The following LRRFIP1 variants were observed in gnomAD, a reference collection of about 807,000 sequenced individuals.
The protein encoded by LRRFIP1 is leucine-rich repeat flightless-interacting protein 1.
A neutral mutation model predicts 104.4 loss-of-function variants in LRRFIP1; 62 were observed. The ratio of observed to expected loss-of-function variants is 0.59; its 90% CI spans 0.48 to 0.73. The LOEUF (loss-of-function observed/expected upper bound fraction) is 0.73. Among genes scored for constraint, LRRFIP1 ranks in the 30% least tolerant of loss-of-function variants. The pLI, the probability that LRRFIP1 is intolerant of heterozygous loss-of-function variation, is 0.00. For missense variants in LRRFIP1, 796 were observed against 824.5 expected, an observed-to-expected ratio of 0.97 and a Z score of 0.42; for synonymous variants, 300 against 299.0, an observed-to-expected ratio of 1.00 and a Z score of -0.03.
At chr2:237,669,619 G>A (rs534525650) in intron 1 of LRRFIP1, among the ~76,000 whole-genome samples, 7 of 152,098 alleles carry the variant, frequency 4.6e-5, no homozygotes, top group African/African-American at 7.2e-5. Context: ...AACCCTAAAC[G>A]GAGTTTCCTG....
In LRRFIP1 at chr2:237,719,698, C is replaced by T; in HGVS notation, c.294+131C>T. Reference sequence around the variant, plus strand: ...CATCTCTTAAAGAAATTAACTAATACTATTAATGATAGAATACTGATATTA... The same window carrying T: ...CATCTCTTAAAGAAATTAACTAATATTATTAATGATAGAATACTGATATTA... On this transcript the variant is annotated intron_variant, in intron 5 of 23. Transcript: ENST00000308482. 1.4e-5 allele frequency: 8 copies of T among 582,826 alleles called. No individual in the cohort carries two copies. The South Asian group carries it at 2.1e-4, about 16-fold the overall frequency. The allele number at this position is 582,826 out of a possible 1,614,324, so 36.1% of individuals were successfully genotyped here. A position where few individuals can be genotyped will look rare whatever the true frequency, so the allele number is the denominator to read the frequency against.
rs79432754 is a variant in LRRFIP1 at position 237,660,411 on chromosome 2, C to T, written c.96+32671C>T. Among the ~76,000 whole-genome samples, 354 of 152,244 alleles carry T rather than the reference C, an allele frequency of 2.3e-3. 2 individuals are homozygous for T. The highest frequency in any genetic ancestry group is 5.5e-3 in the Admixed American group (84 of 15,302). On this transcript the variant is annotated intron_variant, in intron 1 of 23. Transcript: ENST00000308482. Reference sequence around the variant, plus strand: ...GGGACCCCTGTGCTGATGAGAGAGTCCACAGCAGCTATCTCCACAGAGTAC... The same window carrying T: ...GGGACCCCTGTGCTGATGAGAGAGTTCACAGCAGCTATCTCCACAGAGTAC...
At chr2:237,778,059 G>A (rs9808552) in intron 23 of LRRFIP1, among the ~76,000 whole-genome samples, 49,561 of 151,956 alleles carry the variant, frequency 0.33, 8,890 homozygotes, top group East Asian at 0.54. Context: ...TTGGTTTTCT[G>A]TATCTGACAA....
intron 6 of LRRFIP1, chr2:237,721,169 GTC>G (rs1231111222): frequency 9.2e-6 from 2 of 217,792 alleles, no homozygotes; most frequent in African/African-American, 4.5e-5. Context: ...CCTTTAGTAA[GTC>G]TGTATCCACT....
intron 6 of LRRFIP1, among the ~76,000 whole-genome samples, chr2:237,722,795 A>G (rs566368428): frequency 2.0e-5 from 3 of 152,188 alleles, no homozygotes; most frequent in Non-Finnish European, 4.4e-5. Flanking sequence ...GTTCTTAGGA[A>G]CAAGGCCAGT....
chr2:237,738,458 G>A (rs954569998), intron 10 of LRRFIP1, among the ~76,000 whole-genome samples: 9 of 152,186 alleles, frequency 5.9e-5, no homozygotes, highest in African/African-American at 1.7e-4. Context: ...TGCTGCGTGG[G>A]TCTCTCTTGA....
chr2:237,676,410 C>A (rs1179643509), intron 1 of LRRFIP1, among the ~76,000 whole-genome samples: 1 of 152,074 alleles, frequency 6.6e-6, no homozygotes, highest in Non-Finnish European at 1.5e-5. Context: ...CTAGTGAGAC[C>A]CGAAAATTCA....
intron 10 of LRRFIP1, among the ~76,000 whole-genome samples, chr2:237,737,761 GTGA>G (rs2095297053): frequency 6.6e-6 from 1 of 152,160 alleles, no homozygotes; most frequent in Non-Finnish European, 1.5e-5. Flanking sequence ...AGTAATACTG[GTGA>G]TTTTCTTGTA....
chr2:237,740,248 G>GT (rs1365146145), intron 11 of LRRFIP1, among the ~76,000 whole-genome samples: 1 of 140,818 alleles, frequency 7.1e-6, no homozygotes, highest in East Asian at 2.1e-4. Context: ...TCTCTAAACA[G>GT]TAAAAAAAAA....
intron 8 of LRRFIP1, among the ~76,000 whole-genome samples, chr2:237,728,957 C>G (rs756281338): frequency 1.1e-4 from 16 of 152,168 alleles, no homozygotes; most frequent in Non-Finnish European, 2.4e-4. Context: ...AAGTCTCGTG[C>G]CCTCACCCAG....
At chr2:237,640,874 C>T (rs1318508460) in intron 1 of LRRFIP1, among the ~76,000 whole-genome samples, 1 of 152,176 alleles carries the variant, frequency 6.6e-6, no homozygotes, top group African/African-American at 2.4e-5. Context: ...CCTTCCAACC[C>T]CTGGCCTCTC....
rs1576010435 is a variant in LRRFIP1 at position 237,735,397 on chromosome 2, T to C, written c.555+64T>C. The C allele has an allele frequency of 6.6e-7, 1 of 1,516,938 alleles. No homozygotes were observed. Among genetic ancestry groups the C allele is most frequent in the African/African-American group, 1.4e-5 (1 of 72,916 alleles). The allele number at this position is 1,516,938 out of a possible 1,614,324, so 94.0% of individuals were successfully genotyped here. Reference sequence around the variant, plus strand: ...TGCTGCATGGCCTGGGGATGCTCGCTGGGCAGGGTCCAGCCGTGGGGGGTG... The same window carrying C: ...TGCTGCATGGCCTGGGGATGCTCGCCGGGCAGGGTCCAGCCGTGGGGGGTG... On this transcript the variant is annotated intron_variant, in intron 10 of 23. Coordinates refer to ENST00000308482, the MANE Select transcript of LRRFIP1 (RefSeq NM_001137550.2). This position sits in a 1 kb window ranked among gnomAD's most constrained non-coding sequence, Gnocchi z 4.6.
At chr2:237,754,114 C>T (rs1192469163) in intron 15 of LRRFIP1, among the ~76,000 whole-genome samples, 1 of 152,172 alleles carries the variant, frequency 6.6e-6, no homozygotes, top group East Asian at 1.9e-4. Context: ...CCACCATGCT[C>T]AGATAAGGTG....
At position 237,643,735 on chromosome 2, in the gene LRRFIP1, GATGAATGA is replaced by G. The variant is rs58632926; in HGVS notation, c.96+16019_96+16026del. ...GAGTGAGTGAATGAATACAGGAACA[GATGAATGA>G]ATGAATGAATGAATGAATGAATGGA... On this transcript the variant is annotated intron_variant, in intron 1 of 23. Transcript: ENST00000308482. 1.7e-3 allele frequency among the ~76,000 whole-genome samples: 255 copies of G among 151,522 alleles called. 1 individual carries two copies. Among genetic ancestry groups the G allele is most frequent in the African/African-American group, 4.2e-3 (175 of 41,288 alleles).
rs2092799144 is a variant in LRRFIP1 at position 237,691,941 on chromosome 2, G to A, written c.97-16603G>A. On this transcript the variant is annotated intron_variant, in intron 1 of 23. Transcript: ENST00000308482. The surrounding 1 kb of genome is among the most constrained non-coding windows in gnomAD (Gnocchi z 5.4). ...GCGGGGCTCGCGTTAAGGGAGCGCG[G>A]AAGGGCGGGACAGGCCGTGGGGCGG... Among the ~76,000 whole-genome samples the A allele has an allele frequency of 7.2e-6, 1 of 139,650 alleles. No individual in the cohort carries two copies. Among genetic ancestry groups the A allele is most frequent in the South Asian group, 2.5e-4 (1 of 4,074 alleles). 91.6% of individuals were successfully genotyped at this position (139,650 alleles called of 152,430 possible).
intron 1 of LRRFIP1, among the ~76,000 whole-genome samples, chr2:237,683,994 C>T (rs553364339): frequency 2.6e-5 from 4 of 152,206 alleles, no homozygotes; most frequent in South Asian, 2.1e-4. Context: ...ACATTTGTAG[C>T]GTGGTGGATT....
rs546983902 is a variant in LRRFIP1, at chr2:237,661,797, G to A, written c.96+34057G>A. ...GTTTTCCTGTTTCCTGAGTCAATCCGCTGTAGTTCTGTGGCCCAGCTGAGT... is the reference window on the plus strand; with the variant it reads ...GTTTTCCTGTTTCCTGAGTCAATCCACTGTAGTTCTGTGGCCCAGCTGAGT... On this transcript the variant is annotated intron_variant, in intron 1 of 23. Transcript: ENST00000308482. This position sits in a 1 kb window ranked among gnomAD's most constrained non-coding sequence, Gnocchi z 4.4. 1.1e-3 allele frequency among the ~76,000 whole-genome samples: 165 copies of A among 152,288 alleles called. No individual in the cohort carries two copies. Among genetic ancestry groups the A allele is most frequent in the Non-Finnish European group, 2.0e-3 (136 of 68,024 alleles).
chr2:237,747,449 G>C (rs55669556), intron 11 of LRRFIP1, among the ~76,000 whole-genome samples: 4,814 of 152,300 alleles, frequency 0.032, 91 homozygotes, highest in Middle Eastern at 0.12. Context: ...CTGACACCCT[G>C]ACCATAGCAC....
chr2:237,772,497 G>T, intron 21 of LRRFIP1: 1 of 345,112 alleles, frequency 2.9e-6, no homozygotes, highest in Non-Finnish European at 5.2e-6. Context: ...TTGATTGTAT[G>T]AAAAAAAAAA....
Sources: allele counts gnomAD v4.1 joint callset (sites outside exome capture counted in the v4.1 genomes callset), GRCh38; gene constraint gnomAD v4.1.1; non-coding constraint Gnocchi (gnomAD v3.1); transcripts MANE v1.5; gene names NCBI Gene and HGNC (gene_info 2026-07-23, HGNC 2026-07-21).